The following PLK4 variants were observed in gnomAD, a reference collection of about 807,000 sequenced individuals.
PLK4 encodes polo like kinase 4.
Under a neutral mutation model 103.0 loss-of-function variants are expected in PLK4, and 51 were observed. That is an observed-to-expected ratio of 0.50 (90% CI 0.40 to 0.63). The LOEUF (loss-of-function observed/expected upper bound fraction) is 0.63. Among genes scored for constraint, PLK4 ranks in the 20% least tolerant of loss-of-function variants. PLK4 has a pLI of 0.00. For synonymous variants in PLK4, 389 were observed against 376.8 expected, an observed-to-expected ratio of 1.03 and a Z score of -0.38; for missense variants, 1,054 against 1,151.0, an observed-to-expected ratio of 0.92 and a Z score of 1.22.
At chr4:127,884,816 T>G (rs757861728) in intron 4 of PLK4, among the ~76,000 whole-genome samples, 19 of 152,150 alleles carry the variant, frequency 1.2e-4, no homozygotes, top group Middle Eastern at 6.8e-3. Context: ...GGTGCTCTCC[T>G]GTAATCCCAG....
rs1162688449 is a variant in PLK4, at chr4:127,898,720, A to T, written c.*179A>T. 2.0e-6 allele frequency: 1 copy of T among 510,448 alleles called. No homozygotes were observed. 31.6% of individuals were successfully genotyped at this position (510,448 alleles called of 1,614,324 possible). ...AAGCAGAATGAAACTTGAGTCACTTACTAAATATAGTGGATATAAAATAGA... is the reference window on the plus strand; with the variant it reads ...AAGCAGAATGAAACTTGAGTCACTTTCTAAATATAGTGGATATAAAATAGA... On this transcript the variant is annotated 3_prime_UTR_variant, in exon 16 of 16. Coordinates refer to ENST00000270861, the MANE Select transcript of PLK4 (RefSeq NM_014264.5).
At chr4:127,891,322 G>A in intron 8 of PLK4, 126 bp downstream of exon 8, 1 of 483,452 alleles carries the variant, frequency 2.1e-6, no homozygotes, top group South Asian at 5.1e-5. Context: ...TAGTGTCTCT[G>A]GAATTCAAAA....
At chr4:127,886,839 A>G (rs1735155932) in intron 5 of PLK4, 111 bp downstream of exon 5, 1 of 629,206 alleles carries the variant, frequency 1.6e-6, no homozygotes, top group East Asian at 2.8e-5. Context: ...TCTAAAAAAA[A>G]AAACCACTGT....
At position 127,898,606 on chromosome 4, in the gene PLK4, A is replaced by G; in HGVS notation, c.*65A>G. 1 of 770,942 alleles carries G rather than the reference A, an allele frequency of 1.3e-6. No homozygotes were observed. Among genetic ancestry groups the G allele is most frequent in the South Asian group, 1.6e-5 (1 of 62,258 alleles). 47.8% of individuals were successfully genotyped at this position (770,942 alleles called of 1,614,324 possible). On this transcript the variant is annotated 3_prime_UTR_variant, in exon 16 of 16. Coordinates refer to ENST00000270861, the MANE Select transcript of PLK4 (RefSeq NM_014264.5). ...TTTTTGTTGACTTTCAAGTAAAGTGATTTTTTTTAATTTAACATAAAGTCT... is the reference window on the plus strand; with the variant it reads ...TTTTTGTTGACTTTCAAGTAAAGTGGTTTTTTTTAATTTAACATAAAGTCT...
chr4:127,888,430 A>C (rs1238828227), intron 6 of PLK4, among the ~76,000 whole-genome samples: 2 of 152,160 alleles, frequency 1.3e-5, no homozygotes. Flanking sequence ...GGGTTCGAAC[A>C]TAAGTAGTCT....
At chr4:127,888,207 A>AAAAAAAAAAAC (rs1394747854) in intron 6 of PLK4, among the ~76,000 whole-genome samples, 1 of 142,088 alleles carries the variant, frequency 7.0e-6, no homozygotes, top group Non-Finnish European at 1.5e-5. Flanking sequence ...AAAAAAAAAA[A>AAAAAAAAAAAC]AAAAAGCATT....
chr4:127,894,904 T>G, intron 13 of PLK4, 49 bp from the exon 14 acceptor site: 1 of 1,280,576 alleles, frequency 7.8e-7, no homozygotes, highest in South Asian at 1.8e-5. Flanking sequence ...TGAATGTGGC[T>G]TATAAAAATG....
In PLK4 at chr4:127,893,494, C is replaced by T. The variant is rs376948737; in HGVS notation, c.2323-19C>T. Reference sequence around the variant, plus strand: ...GACATAGGTGAAACAATGACAGAAGCACTCTTCTTTTGAAATAGGGTCATC... The same window carrying T: ...GACATAGGTGAAACAATGACAGAAGTACTCTTCTTTTGAAATAGGGTCATC... On this transcript the variant is annotated intron_variant, in intron 11 of 15. Coordinates refer to ENST00000270861, the MANE Select transcript of PLK4 (RefSeq NM_014264.5). 6.1e-4 allele frequency: 972 copies of T among 1,600,648 alleles called. No individual in the cohort carries two copies. The highest frequency in any genetic ancestry group is 8.0e-4 in the Non-Finnish European group (941 of 1,172,064).
At position 127,892,406 on chromosome 4, in the gene PLK4, CA is replaced by C; in HGVS notation, c.2081del (p.Gln694ArgfsTer3). ...ATATCAATATGCTTCCAGGTTTGTA[CA>C]GCTTGTAAGATCTAAATCTCCCAAA... is the stretch of plus-strand genomic sequence containing the variant. ...RKYQYASRFV[Q>X]LVRSKSPKIT... On this transcript the variant is annotated frameshift_variant, in exon 10 of 16. Transcript: ENST00000270861. LOFTEE classifies it high-confidence loss of function. 9 of 1,579,408 alleles carry C rather than the reference CA, an allele frequency of 5.7e-6. No homozygotes were observed. Among genetic ancestry groups the C allele is most frequent in the Non-Finnish European group, 6.9e-6 (8 of 1,167,044 alleles).
intron 15 of PLK4, 71 bp from the exon 16 acceptor site, chr4:127,898,368 C>T (rs1439686194): frequency 2.8e-5 from 20 of 724,858 alleles, no homozygotes; most frequent in Non-Finnish European, 4.6e-5. Context: ...ATATAATGTG[C>T]TTTTTGGGAC....
At chr4:127,891,299 T>A (rs1249584789) in intron 8 of PLK4, 103 bp downstream of exon 8, 2 of 582,134 alleles carry the variant, frequency 3.4e-6, no homozygotes, top group Non-Finnish European at 5.9e-6. Flanking sequence ...TTAAAATCAG[T>A]TTGCCAGTAT....
At position 127,880,989 on chromosome 4, in the gene PLK4, C is replaced by T. The variant is rs1734893456; in HGVS notation, c.-146C>T. 3.0e-5 allele frequency: 26 copies of T among 854,756 alleles called. No individual in the cohort carries two copies. In the South Asian group the frequency reaches 4.0e-4, roughly 13 times the overall value. The allele number at this position is 854,756 out of a possible 1,614,324, so 52.9% of individuals were successfully genotyped here. On this transcript the variant is annotated 5_prime_UTR_variant, in exon 1 of 16. Transcript: ENST00000270861. Reference sequence around the variant, plus strand: ...CTCGGAAGGTGTCAGGGAGAACTTTCCGTGGTTTCAGCGTCGTCGCCTGGA... The same window carrying T: ...CTCGGAAGGTGTCAGGGAGAACTTTTCGTGGTTTCAGCGTCGTCGCCTGGA...
chr4:127,892,323 TC>T, intron 9 of PLK4, 41 bp from the exon 10 acceptor site: 8 of 1,303,916 alleles, frequency 6.1e-6, no homozygotes, highest in Non-Finnish European at 8.6e-6. Context: ...GTATGTCAGG[TC>T]AACACTTTCT....
Position 127,883,530 on chromosome 4 carries a change from T to G in PLK4, c.314T>G (p.Val105Gly). 4 of 1,508,542 alleles carry G rather than the reference T, an allele frequency of 2.7e-6. No homozygotes were observed. The highest frequency in any genetic ancestry group is 3.7e-6 in the Non-Finnish European group (4 of 1,089,030). 93.4% of individuals were successfully genotyped at this position (1,508,542 alleles called of 1,614,324 possible). ...GEMNRYLKNR[V>G]KPFSENEARH... The stretch of plus-strand genomic sequence containing the variant: ...ATGAACAGGTATCTAAAGAATAGAG[T>G]GAAACCCTTCTCAGAAAATGAAGGT... The change falls in exon 4 of 16, where the codon GTG becomes GGG. Residue 105 changes from valine (V) to glycine (G), a missense_variant. This residue lies in a region of PLK4 where 199 missense variants were observed against 270.1 expected (regional missense o/e 0.74). Coordinates refer to ENST00000270861, the MANE Select transcript of PLK4 (RefSeq NM_014264.5).
chr4:127,896,998 T>C (rs1201887402), intron 15 of PLK4, 91 bp downstream of exon 15: 13 of 672,194 alleles, frequency 1.9e-5, no homozygotes, highest in East Asian at 1.9e-4. Context: ...TAAAGATACT[T>C]CTTTCATTTT....
rs752028781 is a variant in PLK4, at chr4:127,886,432, T to A, written c.1062T>A (p.Asn354Lys). ...AGTGGGGAAATCAAGAAACCAGTAA[T>A]AGTGGAAGGGGAAGAGTAATTCAAG... is the stretch of plus-strand genomic sequence containing the variant. ...YTQWGNQETS[N>K]SGRGRVIQDA... Residue 354 changes from asparagine (N) to lysine (K), a missense_variant, in exon 5 of 16, where the codon AAT (asparagine) becomes AAA (lysine). Asn to Lys is a moderately conservative substitution (Grantham distance 94). This residue lies in a region of PLK4 where 680 missense variants were observed against 660.3 expected (regional missense o/e 1.03). Coordinates refer to ENST00000270861, the MANE Select transcript of PLK4 (RefSeq NM_014264.5). 1.4e-5 allele frequency: 23 copies of A among 1,613,910 alleles called. No individual in the cohort carries two copies. In the South Asian group the frequency reaches 2.4e-4, roughly 17 times the overall value.
intron 10 of PLK4, 181 bp downstream of exon 10, chr4:127,892,695 T>TC: frequency 2.0e-6 from 1 of 494,318 alleles, no homozygotes. Flanking sequence ...TATCTAGCCT[T>TC]CCTTTAAACA....
Position 127,886,198 on chromosome 4 carries a change from A to C in PLK4, c.828A>C (p.Leu276Phe). The C allele has an allele frequency of 6.2e-6, 10 of 1,614,132 alleles. No homozygotes were observed. The highest frequency in any genetic ancestry group is 1.3e-5 in the African/African-American group (1 of 75,060). Residue 276 changes from leucine (L) to phenylalanine (F), a missense_variant, in exon 5 of 16, where the codon TTA becomes TTC. Leu to Phe is a conservative substitution (Grantham distance 22). Coordinates refer to ENST00000270861, the MANE Select transcript of PLK4 (RefSeq NM_014264.5). ...SRNSSTKSKDLGTVEDSIDSG... is the reference protein window; with the variant it reads ...SRNSSTKSKDFGTVEDSIDSG... ...ATTCTTCAACAAAAAGTAAAGATTT[A>C]GGAACTGTGGAAGACTCAATTGATA... is the stretch of plus-strand genomic sequence containing the variant.
chr4:127,890,317 T>C lies in PLK4; in HGVS notation c.1830+81T>C, dbSNP rs1447215581. 3.6e-6 allele frequency: 4 copies of C among 1,123,004 alleles called. No individual in the cohort carries two copies. In the African/African-American group the frequency reaches 6.2e-5, roughly 18 times the overall value. 69.6% of individuals were successfully genotyped at this position (1,123,004 alleles called of 1,614,324 possible). A position where few individuals can be genotyped will look rare whatever the true frequency, so the allele number is the denominator to read the frequency against. ...CTTGAGAACATATTTTTTAGTCCTC[T>C]GTAATGTCCTTTTACTTTGGGGTGT... is the stretch of plus-strand genomic sequence containing the variant. On this transcript the variant is annotated intron_variant, in intron 7 of 15. Coordinates refer to ENST00000270861, the MANE Select transcript of PLK4 (RefSeq NM_014264.5).
Sources: allele counts gnomAD v4.1 joint callset (sites outside exome capture counted in the v4.1 genomes callset), GRCh38; gene constraint gnomAD v4.1.1; regional missense constraint gnomAD v4.1.1; transcripts MANE v1.5; gene names NCBI Gene and HGNC (gene_info 2026-07-23, HGNC 2026-07-21).